The following CWF19L2 variants were observed in gnomAD, a reference collection of about 807,000 sequenced individuals.
CWF19L2 encodes the protein CWF19 like cell cycle control factor 2, also known as CWF19-like protein 2.
In CWF19L2, 98 loss-of-function variants were observed where a neutral mutation model predicts 111.7. The observed-to-expected ratio is 0.88, with a 90% CI of 0.75 to 1.04. CWF19L2 has a LOEUF of 1.04. Among genes scored for constraint, CWF19L2 ranks in the 50% least tolerant of loss-of-function variants. The pLI, the probability that CWF19L2 is intolerant of heterozygous loss-of-function variation, is 0.00. For synonymous variants in CWF19L2, 351 were observed against 342.9 expected, an observed-to-expected ratio of 1.02 and a Z score of -0.26; for missense variants, 1,101 against 1,051.4, an observed-to-expected ratio of 1.05 and a Z score of -0.65.
At chr11:107,426,014 G>A (rs752202800) in intron 8 of CWF19L2, among the ~76,000 whole-genome samples, 1 of 151,736 alleles carries the variant, frequency 6.6e-6, no homozygotes, top group African/African-American at 2.4e-5. Flanking sequence ...GGCAGTGGAC[G>A]TTTTTCTGCT....
At chr11:107,438,037 C>G (rs1200253837) in intron 6 of CWF19L2, among the ~76,000 whole-genome samples, 1 of 152,104 alleles carries the variant, frequency 6.6e-6, no homozygotes, top group East Asian at 1.9e-4. Context: ...TAACTATTAC[C>G]AATAACTTTA....
At chr11:107,364,927 C>A (rs1860415502) in intron 12 of CWF19L2, among the ~76,000 whole-genome samples, 1 of 88,378 alleles carries the variant, frequency 1.1e-5, no homozygotes, top group African/African-American at 5.5e-5. Flanking sequence ...AGACCGCTAG[C>A]AAGACTAATA....
rs191741182 is a variant in CWF19L2, at chr11:107,369,192, G to A, written c.1873-15456C>T. On this transcript the variant is annotated intron_variant, in intron 12 of 17. Coordinates refer to ENST00000282251, the MANE Select transcript of CWF19L2 (RefSeq NM_152434.3). ...ATCCATTTTTTTCTTCATTATTTGT[G>A]CTCTCTATAAAGTCTGTTGTCAGTT... is the stretch of plus-strand genomic sequence containing the variant. Among the ~76,000 whole-genome samples, 734 of 137,354 alleles carry A rather than the reference G, an allele frequency of 5.3e-3. 142 individuals are homozygous for A. The highest frequency in any genetic ancestry group is 0.038 in the South Asian group (156 of 4,074). The allele number at this position is 137,354 out of a possible 152,430, so 90.1% of individuals were successfully genotyped here.
At position 107,372,065 on chromosome 11, in the gene CWF19L2, G is replaced by C. The variant is rs1337224060; in HGVS notation, c.1872+18009C>G. On this transcript the variant is annotated intron_variant, in intron 12 of 17. Transcript: ENST00000282251. ...GGGGTTTCTGGAATTCCATGCACTT[G>C]ACTTCAAGTCCCAAATATGAGACTC... 1.5e-5 allele frequency among the ~76,000 whole-genome samples: 2 copies of C among 135,464 alleles called. 1 individual carries two copies. The highest frequency in any genetic ancestry group is 6.0e-5 in the African/African-American group (2 of 33,606). 88.9% of individuals were successfully genotyped at this position (135,464 alleles called of 152,430 possible).
rs543607644 is a variant in CWF19L2, at chr11:107,412,330, T to C, written c.1617+3879A>G. ...AACCGCATTCCTTGATATTTACCCA[T>C]AGGAGTTTTTTGGGTTTTTTTGTTT... is the stretch of plus-strand genomic sequence containing the variant. On this transcript the variant is annotated intron_variant, in intron 10 of 17. Transcript: ENST00000282251. 2.6e-5 allele frequency among the ~76,000 whole-genome samples: 4 copies of C among 152,274 alleles called. No individual in the cohort carries two copies. In the East Asian group the frequency reaches 5.8e-4, roughly 22 times the overall value.
At chr11:107,410,624 G>A (rs1035855904) in intron 10 of CWF19L2, among the ~76,000 whole-genome samples, 28 of 152,192 alleles carry the variant, frequency 1.8e-4, no homozygotes, top group African/African-American at 5.5e-4. Context: ...ACTGCTCAAA[G>A]ATAGGAGGAG....
intron 12 of CWF19L2, among the ~76,000 whole-genome samples, chr11:107,383,503 T>C (rs1278110635): frequency 6.6e-6 from 1 of 152,186 alleles, no homozygotes; most frequent in Non-Finnish European, 1.5e-5. Context: ...TGTATTCCCC[T>C]CTTTTCATTA....
chr11:107,394,441 A>G (rs563525867), intron 10 of CWF19L2, among the ~76,000 whole-genome samples: 3 of 152,304 alleles, frequency 2.0e-5, no homozygotes, highest in East Asian at 1.9e-4. Context: ...ACTAAGTCCA[A>G]TACATAATTA....
In CWF19L2 at chr11:107,439,264, C is replaced by T. The variant is rs1342949469; in HGVS notation, c.571-81G>A. ...ATTAACAAATAATAAATCTGAGACC[C>T]AGTTAATAGTCATAACCCTGGACAA... On this transcript the variant is annotated intron_variant, in intron 5 of 17. Coordinates refer to ENST00000282251, the MANE Select transcript of CWF19L2 (RefSeq NM_152434.3). 74 of 788,702 alleles carry T rather than the reference C, an allele frequency of 9.4e-5. No individual in the cohort carries two copies. In the Admixed American group the frequency reaches 1.7e-3, roughly 18 times the overall value. The allele number at this position is 788,702 out of a possible 1,614,324, so 48.9% of individuals were successfully genotyped here.
intron 12 of CWF19L2, among the ~76,000 whole-genome samples, chr11:107,382,668 T>C (rs1860705936): frequency 6.6e-6 from 1 of 152,212 alleles, no homozygotes; most frequent in African/African-American, 2.4e-5. Flanking sequence ...TTCTGTGGTG[T>C]TATGATATGC....
chr11:107,336,991 G>A (rs1444055617), intron 14 of CWF19L2, among the ~76,000 whole-genome samples: 2 of 152,090 alleles, frequency 1.3e-5, no homozygotes, highest in East Asian at 1.9e-4. Context: ...ATGAGAGAAA[G>A]AAGTGATAAA....
intron 12 of CWF19L2, among the ~76,000 whole-genome samples, chr11:107,361,359 G>A (rs947573161): frequency 2.0e-5 from 3 of 152,130 alleles, no homozygotes; most frequent in Admixed American, 6.5e-5. Context: ...TTACTATAGC[G>A]TTTTCAGTAT....
intron 2 of CWF19L2, 79 bp from the exon 3 acceptor site, chr11:107,454,651 TA>T: frequency 2.7e-6 from 2 of 728,198 alleles, no homozygotes; most frequent in Non-Finnish European, 3.7e-6. Flanking sequence ...AGAAAAAAAA[TA>T]AACCACATTC....
At chr11:107,391,473 C>G (rs1330893728) in intron 11 of CWF19L2, among the ~76,000 whole-genome samples, 3 of 152,176 alleles carry the variant, frequency 2.0e-5, no homozygotes, top group Non-Finnish European at 4.4e-5. Flanking sequence ...TTAAGCCATC[C>G]AGTCTATGTT....
chr11:107,355,952 T>C (rs1442815377), intron 12 of CWF19L2, among the ~76,000 whole-genome samples: 1 of 152,216 alleles, frequency 6.6e-6, no homozygotes, highest in African/African-American at 2.4e-5. Context: ...GTACATGGAA[T>C]ATCAACCAAG....
At chr11:107,342,836 A>C (rs934524239) in intron 14 of CWF19L2, among the ~76,000 whole-genome samples, 2 of 152,212 alleles carry the variant, frequency 1.3e-5, no homozygotes, top group African/African-American at 2.4e-5. Flanking sequence ...TTTCCTTATA[A>C]GAGGGAGGCA....
At chr11:107,343,634 G>T in intron 14 of CWF19L2, among the ~76,000 whole-genome samples, 1 of 150,910 alleles carries the variant, frequency 6.6e-6, no homozygotes. Flanking sequence ...TCTTTCTATT[G>T]TTTTTCTGGT....
At chr11:107,423,180 C>T (rs1394119385) in intron 8 of CWF19L2, among the ~76,000 whole-genome samples, 1 of 151,924 alleles carries the variant, frequency 6.6e-6, no homozygotes, top group Non-Finnish European at 1.5e-5. Flanking sequence ...TGCTAAGGTA[C>T]ATGTCATTTT....
intron 14 of CWF19L2, among the ~76,000 whole-genome samples, chr11:107,337,742 A>G (rs1859949368): frequency 6.6e-6 from 1 of 152,202 alleles, no homozygotes; most frequent in Non-Finnish European, 1.5e-5. Context: ...ATTTTAAACT[A>G]AAGTTGGCCT....
Sources: allele counts gnomAD v4.1 joint callset (sites outside exome capture counted in the v4.1 genomes callset), GRCh38; gene constraint gnomAD v4.1.1; transcripts MANE v1.5; gene names NCBI Gene and HGNC (gene_info 2026-07-23, HGNC 2026-07-21).